The following IFT43 variants were observed in gnomAD, a reference collection of about 807,000 sequenced individuals.
The protein encoded by IFT43 is intraflagellar transport protein 43 homolog.
In IFT43, 33 loss-of-function variants were observed where a neutral mutation model predicts 32.3. That is an observed-to-expected ratio of 1.02 (90% CI 0.77 to 1.37). The LOEUF (loss-of-function observed/expected upper bound fraction) is 1.37, where lower values mean the gene tolerates loss of function less well. Among genes scored for constraint, IFT43 ranks in the 40% most tolerant of loss-of-function variants. IFT43 has a pLI of 0.00. For missense variants in IFT43, 274 were observed against 265.9 expected, an observed-to-expected ratio of 1.03 and a Z score of -0.21; for synonymous variants, 93 against 98.2, an observed-to-expected ratio of 0.95 and a Z score of 0.31.
At chr14:76,024,043 G>C (rs1416666762) in intron 3 of IFT43, among the ~76,000 whole-genome samples, 1 of 152,124 alleles carries the variant, frequency 6.6e-6, no homozygotes, top group Non-Finnish European at 1.5e-5. Flanking sequence ...ACGGGTTCAG[G>C]CTGCTAAAAG....
At chr14:76,078,682 G>A (rs1594868255) in intron 5 of IFT43, among the ~76,000 whole-genome samples, 1 of 152,354 alleles carries the variant, frequency 6.6e-6, no homozygotes, top group African/African-American at 2.4e-5. Context: ...GGAGTCTTCT[G>A]TTTAAGCATC....
chr14:75,989,925 G>A (rs908517165), intron 2 of IFT43, among the ~76,000 whole-genome samples: 3 of 152,202 alleles, frequency 2.0e-5, no homozygotes, highest in African/African-American at 4.8e-5. Flanking sequence ...CATTTTCGTA[G>A]GAAATGCATT....
intron 5 of IFT43, among the ~76,000 whole-genome samples, chr14:76,081,442 G>A (rs1005458823): frequency 3.5e-4 from 53 of 152,094 alleles, no homozygotes; most frequent in Non-Finnish European, 6.3e-4. Context: ...GTCTCAACCA[G>A]TCAGTGATAC....
chr14:76,080,402 G>A (rs980473883), intron 5 of IFT43, among the ~76,000 whole-genome samples: 2 of 152,222 alleles, frequency 1.3e-5, no homozygotes, highest in African/African-American at 4.8e-5. Flanking sequence ...AGGGAAGCCT[G>A]TGGGGAGTGA....
intron 3 of IFT43, among the ~76,000 whole-genome samples, chr14:76,024,298 TACTC>T (rs1413667432): frequency 3.3e-5 from 5 of 152,238 alleles, no homozygotes; most frequent in African/African-American, 1.2e-4. Context: ...TCCTACGACA[TACTC>T]TCTCGCATTT....
At chr14:76,062,943 A>G (rs796267302) in intron 5 of IFT43, among the ~76,000 whole-genome samples, 8 of 143,538 alleles carry the variant, frequency 5.6e-5, no homozygotes, top group African/African-American at 2.0e-4. Flanking sequence ...AAAAAAAAAG[A>G]AAATACATTA....
chr14:76,031,207 C>T (rs1274882632), intron 3 of IFT43, among the ~76,000 whole-genome samples: 1 of 151,966 alleles, frequency 6.6e-6, no homozygotes, highest in Non-Finnish European at 1.5e-5. Context: ...AATACAGCCA[C>T]ACCCTTTCAT....
intron 5 of IFT43, among the ~76,000 whole-genome samples, chr14:76,065,107 G>C (rs531468007): frequency 1.3e-5 from 2 of 152,218 alleles, no homozygotes; most frequent in South Asian, 4.1e-4. Flanking sequence ...AGGACATCTC[G>C]TCCAGACCTG....
intron 2 of IFT43, among the ~76,000 whole-genome samples, chr14:76,007,312 G>C (rs1455655190): frequency 6.6e-6 from 1 of 152,144 alleles, no homozygotes; most frequent in Non-Finnish European, 1.5e-5. Context: ...CAGTGTCCCT[G>C]GTCTCACCAC....
chr14:75,993,208 T>A (rs1341723641), intron 2 of IFT43, among the ~76,000 whole-genome samples: 1 of 152,232 alleles, frequency 6.6e-6, no homozygotes, highest in African/African-American at 2.4e-5. Context: ...AGGCTGAATT[T>A]GGCCTATAGT....
chr14:76,076,273 TC>T (rs1190972857), intron 5 of IFT43, among the ~76,000 whole-genome samples: 43 of 152,232 alleles, frequency 2.8e-4, no homozygotes, highest in African/African-American at 1.0e-3. Flanking sequence ...TTTGTATCAT[TC>T]GCTCAGATGT....
At chr14:76,056,204 C>T in intron 3 of IFT43, among the ~76,000 whole-genome samples, 1 of 152,200 alleles carries the variant, frequency 6.6e-6, no homozygotes, top group South Asian at 2.1e-4. Flanking sequence ...CGCACCATCC[C>T]ACTCAGTGCG....
At chr14:76,059,449 C>A (rs576302565) in intron 5 of IFT43, 76 bp downstream of exon 5, 13 of 1,368,380 alleles carry the variant, frequency 9.5e-6, no homozygotes, top group Admixed American at 3.4e-5. Context: ...AGCTAAGGCA[C>A]TGTTGGCTGC....
At chr14:75,998,175 G>T (rs1042574170) in intron 2 of IFT43, among the ~76,000 whole-genome samples, 21 of 152,058 alleles carry the variant, frequency 1.4e-4, no homozygotes, top group African/African-American at 4.8e-4. Flanking sequence ...TCATCTCTCT[G>T]ACCAATTGCA....
At chr14:76,057,732 T>G (rs2037047491) in intron 3 of IFT43, among the ~76,000 whole-genome samples, 1 of 152,168 alleles carries the variant, frequency 6.6e-6, no homozygotes, top group African/African-American at 2.4e-5. Flanking sequence ...CATCCTTTGC[T>G]CTTGCTCATC....
chr14:76,072,459 C>T (rs777698198), intron 5 of IFT43, among the ~76,000 whole-genome samples: 4 of 152,152 alleles, frequency 2.6e-5, no homozygotes, highest in East Asian at 1.9e-4. Context: ...CATACCATCA[C>T]GAACATCCCT....
At chr14:75,999,406 G>A (rs542172102) in intron 2 of IFT43, among the ~76,000 whole-genome samples, 16 of 148,236 alleles carry the variant, frequency 1.1e-4, no homozygotes, top group African/African-American at 3.5e-4. Flanking sequence ...GGGATTACAG[G>A]CATGAGCCAT....
At chr14:75,987,828 T>C (rs779808533) in intron 1 of IFT43, among the ~76,000 whole-genome samples, 16 of 152,246 alleles carry the variant, frequency 1.1e-4, no homozygotes, top group Non-Finnish European at 2.1e-4. Context: ...TTTGAAGTGC[T>C]CTGATTTCCA....
At position 76,022,459 on chromosome 14, in the gene IFT43, G is replaced by GT; in HGVS notation, c.215+66dup. The GT allele has an allele frequency of 3.2e-6, 3 of 931,882 alleles. No homozygotes were observed. In the East Asian group the frequency reaches 7.3e-5, roughly 23 times the overall value. The allele number at this position is 931,882 out of a possible 1,614,324, so 57.7% of individuals were successfully genotyped here. ...ACACGGTTGGGGGGACTTTGCTCCT[G>GT]TGTTGTTTTATTTTTTACAATAGCT... On this transcript the variant is annotated intron_variant, in intron 3 of 8. Transcript: ENST00000314067.
Sources: allele counts gnomAD v4.1 joint callset (sites outside exome capture counted in the v4.1 genomes callset), GRCh38; gene constraint gnomAD v4.1.1; transcripts MANE v1.5; gene names NCBI Gene and HGNC (gene_info 2026-07-23, HGNC 2026-07-21).